The following GAS7 variants were observed in gnomAD, a reference collection of about 807,000 sequenced individuals.
GAS7 encodes growth arrest-specific protein 7.
In GAS7, 28 loss-of-function variants were observed where a neutral mutation model predicts 71.1. The observed-to-expected ratio is 0.39, with a 90% CI of 0.29 to 0.54. GAS7 has a LOEUF of 0.54. Ranked by LOEUF, GAS7 falls within the 20% of genes least tolerant of loss-of-function variation. The pLI is 0.62. For missense variants in GAS7, 436 were observed against 627.8 expected (o/e 0.69, Z 3.27); for synonymous variants, 258 against 245.8 (o/e 1.05, Z -0.46).
At chr17:9,999,169 T>C (rs2071162691) in intron 2 of GAS7, among the ~76,000 whole-genome samples, 3 of 152,216 alleles carry the variant, frequency 2.0e-5, no homozygotes, top group South Asian at 4.1e-4. Context: ...ATTGCTCGCA[T>C]AACTAATCTG....
rs1597811123 is a variant in GAS7, at chr17:10,134,159, T to C, written c.183+64049A>G. Among the ~76,000 whole-genome samples the C allele has an allele frequency of 4.6e-5, 7 of 152,116 alleles. 1 individual carries two copies. The highest frequency in any genetic ancestry group is 4.1e-4 in the South Asian group (2 of 4,830). On this transcript the variant is annotated intron_variant, in intron 1 of 13. Transcript: ENST00000432992. ...CATTCTCCTGCTTCAGCCTCCCGAG[T>C]AGCTGGGACTACAGGCACCATCCAC...
chr17:9,954,410 A>T (rs775610930), intron 5 of GAS7, among the ~76,000 whole-genome samples: 1 of 151,986 alleles, frequency 6.6e-6, no homozygotes, highest in Non-Finnish European at 1.5e-5. Flanking sequence ...ACTACAGCAT[A>T]GAGGATGCAC....
At chr17:9,934,966 C>A (rs2068345976) in intron 8 of GAS7, among the ~76,000 whole-genome samples, 1 of 152,170 alleles carries the variant, frequency 6.6e-6, no homozygotes, top group Admixed American at 6.5e-5. Flanking sequence ...GAACTCCTGA[C>A]CAACTGAGAG....
intron 1 of GAS7, chr17:10,061,356 G>A (rs542330504): frequency 6.6e-6 from 1 of 152,376 alleles, no homozygotes; most frequent in South Asian, 2.1e-4. Flanking sequence ...CATTGGGGTT[G>A]GGCTCAAGAA....
intron 1 of GAS7, among the ~76,000 whole-genome samples, chr17:10,137,028 C>G (rs547889664): frequency 3.3e-5 from 5 of 152,118 alleles, no homozygotes; most frequent in Admixed American, 6.6e-5. Flanking sequence ...GTGGGAGAAT[C>G]ACTTGATTCC....
intron 1 of GAS7, among the ~76,000 whole-genome samples, chr17:10,147,684 C>T (rs1330923402): frequency 6.6e-6 from 1 of 152,138 alleles, no homozygotes; most frequent in East Asian, 1.9e-4. Context: ...CTTGTACACA[C>T]GTGTTGGGAT....
intron 1 of GAS7, among the ~76,000 whole-genome samples, chr17:10,040,626 C>T (rs2152227725): frequency 6.7e-6 from 1 of 150,260 alleles, no homozygotes; most frequent in South Asian, 2.1e-4. Context: ...AAGAGAAAGG[C>T]AATGCTCAAG....
chr17:9,968,009 G>A (rs1228820171), intron 4 of GAS7, among the ~76,000 whole-genome samples: 1 of 152,242 alleles, frequency 6.6e-6, no homozygotes, highest in African/African-American at 2.4e-5. Flanking sequence ...AAGAAAGAAT[G>A]ATTTTGAGGA....
At chr17:9,957,754 G>T (rs927848205) in intron 5 of GAS7, among the ~76,000 whole-genome samples, 1 of 151,982 alleles carries the variant, frequency 6.6e-6, no homozygotes, top group African/African-American at 2.4e-5. Flanking sequence ...AACTCCACCG[G>T]TAACAGGGAG....
rs2074546809 is a variant in GAS7 at position 10,197,205 on chromosome 17, A to T, written c.183+1003T>A. 2.0e-5 allele frequency among the ~76,000 whole-genome samples: 3 copies of T among 152,156 alleles called. No homozygotes were observed. In the South Asian group the frequency reaches 6.2e-4, roughly 32 times the overall value. ...CCGATGAATTGCACTGAGCATTCTCAGTCAAAATTTGCTACTTTCTCTGTG... is the reference window on the plus strand; with the variant it reads ...CCGATGAATTGCACTGAGCATTCTCTGTCAAAATTTGCTACTTTCTCTGTG... On this transcript the variant is annotated intron_variant, in intron 1 of 13. Transcript: ENST00000432992.
At chr17:9,965,922 A>G (rs1027879912) in intron 4 of GAS7, among the ~76,000 whole-genome samples, 9 of 151,738 alleles carry the variant, frequency 5.9e-5, no homozygotes, top group Admixed American at 5.9e-4. Flanking sequence ...CCCATGACAT[A>G]GTATGGTGGG....
At chr17:9,976,385 T>A (rs975420305) in intron 3 of GAS7, among the ~76,000 whole-genome samples, 19 of 152,238 alleles carry the variant, frequency 1.2e-4, no homozygotes, top group Non-Finnish European at 2.5e-4. Flanking sequence ...CTGGGGAAGC[T>A]GCTTTGAACC....
intron 1 of GAS7, among the ~76,000 whole-genome samples, chr17:10,179,465 T>G (rs2142140570): frequency 7.0e-6 from 1 of 143,444 alleles, no homozygotes; most frequent in Non-Finnish European, 1.5e-5. Context: ...TCCAAGCTGG[T>G]TTATCTGTCA....
At chr17:10,109,405 T>C (rs1215846874) in intron 1 of GAS7, among the ~76,000 whole-genome samples, 4 of 152,128 alleles carry the variant, frequency 2.6e-5, no homozygotes, top group African/African-American at 9.7e-5. Context: ...CAGCTATCAT[T>C]AAAAAGATAA....
In GAS7 at chr17:10,026,531, G is replaced by A. The variant is rs2072467673; in HGVS notation, c.184-6634C>T. Among the ~76,000 whole-genome samples, 1 of 152,238 alleles carries A rather than the reference G, an allele frequency of 6.6e-6. No individual in the cohort carries two copies. Among genetic ancestry groups the A allele is most frequent in the South Asian group, 2.1e-4 (1 of 4,836 alleles). On this transcript the variant is annotated intron_variant, in intron 1 of 13. Coordinates refer to ENST00000432992, the MANE Select transcript of GAS7 (RefSeq NM_201433.2). The surrounding 1 kb of genome is among the most constrained non-coding windows in gnomAD (Gnocchi z 4.5). ...GGAGGCAGCTGGACACCCAGAAGCA[G>A]CCAGGGCATGGCTGGGCACGCCTGG...
intron 1 of GAS7, among the ~76,000 whole-genome samples, chr17:10,081,654 T>C (rs1268594428): frequency 6.6e-6 from 1 of 152,166 alleles, no homozygotes; most frequent in East Asian, 1.9e-4. Flanking sequence ...ATTCAAATGG[T>C]AAATAAACAT....
At chr17:9,938,869 C>T (rs953145338) in intron 8 of GAS7, among the ~76,000 whole-genome samples, 10 of 152,208 alleles carry the variant, frequency 6.6e-5, no homozygotes, top group Non-Finnish European at 1.0e-4. Flanking sequence ...TGGAATCATA[C>T]ACTATGAGAC....
chr17:9,928,175 C>A (rs904895856), intron 9 of GAS7, among the ~76,000 whole-genome samples: 3 of 151,840 alleles, frequency 2.0e-5, no homozygotes, highest in Non-Finnish European at 2.9e-5. Flanking sequence ...TGCAGCGACG[C>A]GATCTCGGCT....
At chr17:10,012,262 C>T (rs2071803728) in intron 2 of GAS7, among the ~76,000 whole-genome samples, 1 of 152,096 alleles carries the variant, frequency 6.6e-6, no homozygotes, top group African/African-American at 2.4e-5. Flanking sequence ...AAGAAGCATG[C>T]ATGCCTGGCC....
Sources: gnomAD v4.1 joint callset for allele counts (sites outside exome capture counted in the v4.1 genomes callset) on GRCh38, gnomAD v4.1.1 for gene constraint, Gnocchi (gnomAD v3.1) non-coding constraint, MANE v1.5 for transcripts, NCBI Gene and HGNC (gene_info 2026-07-23, HGNC 2026-07-21) for gene names.